Variants in GRIK2 observed in about 807,000 individuals in gnomAD.
GRIK2 encodes glutamate receptor ionotropic, kainate 2.
GRIK2 carries 32 observed loss-of-function variants against 100.3 expected under a neutral mutation model. The observed-to-expected ratio is 0.32, with a 90% CI of 0.24 to 0.43. GRIK2 has a LOEUF of 0.43. Ranked by LOEUF, GRIK2 falls within the 20% of genes least tolerant of loss-of-function variation. GRIK2 has a pLI of 1.00. For synonymous variants in GRIK2, 417 were observed against 389.4 expected (o/e 1.07, Z -0.83); for missense variants, 843 against 1,114.9 (o/e 0.76, Z 3.47).
At chr6:101,411,261 G>T (rs1775872039) in intron 2 of GRIK2, among the ~76,000 whole-genome samples, 1 of 151,954 alleles carries the variant, frequency 6.6e-6, no homozygotes, top group African/African-American at 2.4e-5. Flanking sequence ...TTTGCCTCCT[G>T]CAAAGATATG....
intron 7 of GRIK2, among the ~76,000 whole-genome samples, chr6:101,762,094 TCCTC>T (rs1379579939): frequency 7.8e-6 from 1 of 127,394 alleles, no homozygotes; most frequent in African/African-American, 3.3e-5. Context: ...TTTCCTTCCT[TCCTC>T]CCTTCCTTTC....
chr6:101,861,499 G>C (rs1439204592), intron 11 of GRIK2, among the ~76,000 whole-genome samples: 1 of 152,100 alleles, frequency 6.6e-6, no homozygotes, highest in Non-Finnish European at 1.5e-5. Context: ...CCTATATGTT[G>C]TGAATGGCAG....
chr6:101,517,237 A>G (rs1453682325), intron 2 of GRIK2, among the ~76,000 whole-genome samples: 1 of 152,168 alleles, frequency 6.6e-6, no homozygotes, highest in Non-Finnish European at 1.5e-5. Flanking sequence ...GCTTAAAACC[A>G]GGCCACCTCT....
At chr6:101,954,365 T>C (rs1205172623) in intron 14 of GRIK2, among the ~76,000 whole-genome samples, 1 of 152,098 alleles carries the variant, frequency 6.6e-6, no homozygotes, top group African/African-American at 2.4e-5. Context: ...TTTTTCAAAT[T>C]ATTTAGGTCT....
intron 11 of GRIK2, among the ~76,000 whole-genome samples, chr6:101,886,726 T>C (rs1193953507): frequency 6.6e-6 from 1 of 151,818 alleles, no homozygotes; most frequent in Non-Finnish European, 1.5e-5. Flanking sequence ...CCTATCCAAC[T>C]GAAGTTTTAT....
chr6:101,683,365 A>G (rs1771432963), intron 6 of GRIK2, among the ~76,000 whole-genome samples: 1 of 152,172 alleles, frequency 6.6e-6, no homozygotes, highest in African/African-American at 2.4e-5. Context: ...TAAAAAGTCA[A>G]TATACTTTAA....
chr6:101,767,112 C>G (rs1386355847), intron 7 of GRIK2, among the ~76,000 whole-genome samples: 1 of 152,166 alleles, frequency 6.6e-6, no homozygotes, highest in Non-Finnish European at 1.5e-5. Context: ...TGAATACTAT[C>G]TAGAATTCAG....
chr6:101,708,908 G>A (rs1476791174), intron 7 of GRIK2, among the ~76,000 whole-genome samples: 6 of 151,682 alleles, frequency 4.0e-5, no homozygotes, highest in African/African-American at 1.5e-4. Context: ...CTTTGAAGAT[G>A]TAATCATGTC....
chr6:101,523,390 T>C (rs1157085303), intron 2 of GRIK2, among the ~76,000 whole-genome samples: 1 of 152,106 alleles, frequency 6.6e-6, no homozygotes, highest in East Asian at 1.9e-4. Context: ...TCTCTATCTG[T>C]TAGGGATAAG....
intron 4 of GRIK2, among the ~76,000 whole-genome samples, chr6:101,643,844 ATT>A (rs1364084608): frequency 1.3e-5 from 2 of 151,782 alleles, no homozygotes; most frequent in African/African-American, 4.8e-5. Flanking sequence ...AACCAAGGAA[ATT>A]TGAGTTATAC....
intron 2 of GRIK2, among the ~76,000 whole-genome samples, chr6:101,542,909 G>A (rs1024511235): frequency 2.0e-5 from 3 of 151,994 alleles, no homozygotes; most frequent in South Asian, 2.1e-4. Context: ...ATTTCAAGCC[G>A]ATTGTGTCAA....
intron 7 of GRIK2, among the ~76,000 whole-genome samples, chr6:101,777,285 T>C (rs1778805608): frequency 6.6e-6 from 1 of 152,110 alleles, no homozygotes; most frequent in South Asian, 2.1e-4. Context: ...GAGTGCTCAG[T>C]GCAGTGTGCC....
At chr6:101,467,225 C>T (rs1771693984) in intron 2 of GRIK2, among the ~76,000 whole-genome samples, 1 of 151,978 alleles carries the variant, frequency 6.6e-6, no homozygotes, top group Non-Finnish European at 1.5e-5. Context: ...TGAATGGGGA[C>T]TACATATAAA....
intron 2 of GRIK2, among the ~76,000 whole-genome samples, chr6:101,399,628 A>T (rs903187530): frequency 6.6e-6 from 1 of 151,806 alleles, no homozygotes. Context: ...TCTCTGCATT[A>T]CCTCCCCACA....
At chr6:101,819,998 T>C (rs1292046418) in intron 10 of GRIK2, among the ~76,000 whole-genome samples, 1 of 152,150 alleles carries the variant, frequency 6.6e-6, no homozygotes, top group Non-Finnish European at 1.5e-5. Context: ...ATGGTCTTAC[T>C]CTCTCTCACC....
chr6:101,952,770 T>G lies in GRIK2; in HGVS notation c.2085+24138T>G, dbSNP rs7757395. Among the ~76,000 whole-genome samples, 1,373 of 152,102 alleles carry G rather than the reference T, an allele frequency of 9.0e-3. 19 individuals are homozygous for G. The highest frequency in any genetic ancestry group is 0.031 in the African/African-American group (1,289 of 41,496). On this transcript the variant is annotated intron_variant, in intron 14 of 16. Transcript: ENST00000369134. ...GGTGCCCGCCACCACACCCAGCTAA[T>G]TTTTTGTATTTTTAGTAGAGACGGG...
intron 2 of GRIK2, among the ~76,000 whole-genome samples, chr6:101,514,054 T>C (rs1032963606): frequency 5.9e-5 from 9 of 152,084 alleles, no homozygotes; most frequent in African/African-American, 2.2e-4. Flanking sequence ...TAAACAATTT[T>C]ATGAATGAAA....
intron 7 of GRIK2, among the ~76,000 whole-genome samples, chr6:101,736,807 A>G (rs1215271052): frequency 6.6e-6 from 1 of 152,096 alleles, no homozygotes; most frequent in African/African-American, 2.4e-5. Context: ...AGTCAGCTTG[A>G]ATTTATGCTC....
At chr6:102,008,178 G>A (rs1451248903) in intron 14 of GRIK2, among the ~76,000 whole-genome samples, 2 of 152,044 alleles carry the variant, frequency 1.3e-5, no homozygotes, top group Non-Finnish European at 2.9e-5. Context: ...ATTGGTCTGT[G>A]ACTTTAAAGC....
Sources: gnomAD v4.1 joint callset for allele counts (sites outside exome capture counted in the v4.1 genomes callset) on GRCh38, gnomAD v4.1.1 for gene constraint, MANE v1.5 for transcripts, NCBI Gene and HGNC (gene_info 2026-07-23, HGNC 2026-07-21) for gene names.